MYBL2: variants seen among roughly 807,000 people sequenced by gnomAD.
MYBL2 encodes the protein MYB proto-oncogene like 2.
MYBL2 carries 28 observed loss-of-function variants against 79.9 expected under a neutral mutation model. The ratio of observed to expected loss-of-function variants is 0.35; its 90% confidence interval spans 0.26 to 0.48. The LOEUF is 0.48. Among genes scored for constraint, MYBL2 ranks in the 20% least tolerant of loss-of-function variants. MYBL2 has a pLI of 0.99. For missense variants in MYBL2, 735 were observed against 893.9 expected (o/e 0.82, Z 2.27); for synonymous variants, 378 against 361.2 (o/e 1.05, Z -0.53).
At chr20:43,671,711 A>G (rs1451933969) in intron 1 of MYBL2, among the ~76,000 whole-genome samples, 1 of 150,260 alleles carries the variant, frequency 6.7e-6, no homozygotes, top group Non-Finnish European at 1.5e-5. Context: ...ACCTCAGGTG[A>G]TCTGCCTGCC....
chr20:43,671,187 C>T (rs1986845505), intron 1 of MYBL2, among the ~76,000 whole-genome samples: 1 of 151,366 alleles, frequency 6.6e-6, no homozygotes, highest in Admixed American at 6.6e-5. Context: ...TCTCGTCTGT[C>T]GCCCAGGCTG....
intron 12 of MYBL2, 93 bp from the exon 13 acceptor site, chr20:43,715,041 A>AGGTGGT (rs1329748053): frequency 6.9e-7 from 1 of 1,448,906 alleles, no homozygotes; most frequent in Admixed American, 1.8e-5. Context: ...CTCAGCAGCC[A>AGGTGGT]GGTGGTGGTG....
Position 43,709,088 on chromosome 20 carries a change from C to T in MYBL2, c.1506-875C>T, listed in dbSNP as rs1347646747. Reference sequence around the variant, plus strand: ...GCTGGCCAGCTGCGGGAAGTGGAGGCGGCGAGGCCCCAGGCTGCTGTTTCT... The same window carrying T: ...GCTGGCCAGCTGCGGGAAGTGGAGGTGGCGAGGCCCCAGGCTGCTGTTTCT... On this transcript the variant is annotated intron_variant, in intron 9 of 13. Coordinates refer to ENST00000217026, the MANE Select transcript of MYBL2 (RefSeq NM_002466.4). 4.6e-5 allele frequency among the ~76,000 whole-genome samples: 7 copies of T among 152,296 alleles called. No homozygotes were observed. In the South Asian group the frequency reaches 1.0e-3, roughly 23 times the overall value.
intron 1 of MYBL2, among the ~76,000 whole-genome samples, chr20:43,668,750 C>G (rs963203209): frequency 2.1e-5 from 3 of 145,302 alleles, no homozygotes; most frequent in Non-Finnish European, 4.5e-5. Flanking sequence ...TGCTGTGGTG[C>G]TGTCATAGCT....
chr20:43,684,182 C>T (rs1220223053), intron 4 of MYBL2, among the ~76,000 whole-genome samples: 1 of 151,858 alleles, frequency 6.6e-6, no homozygotes, highest in East Asian at 1.9e-4. Flanking sequence ...CCACGTCAGC[C>T]TCTCAAAGTG....
chr20:43,688,801 T>C (rs1303871739), intron 5 of MYBL2, among the ~76,000 whole-genome samples: 1 of 152,048 alleles, frequency 6.6e-6, no homozygotes. Context: ...ATATTATATT[T>C]TTTTTAAGAC....
At chr20:43,689,496 C>G (rs769411951) in intron 5 of MYBL2, among the ~76,000 whole-genome samples, 1 of 152,194 alleles carries the variant, frequency 6.6e-6, no homozygotes, top group Non-Finnish European at 1.5e-5. Context: ...GAGCTCTTCT[C>G]AGAGCTCCTA....
At chr20:43,697,273 A>T (rs1373794928) in intron 6 of MYBL2, among the ~76,000 whole-genome samples, 3 of 151,892 alleles carry the variant, frequency 2.0e-5, no homozygotes, top group Non-Finnish European at 4.4e-5. Flanking sequence ...TTTGGAGTTG[A>T]TCTTTTTTTT....
In MYBL2 at chr20:43,705,336, C is replaced by T. The variant is rs1568874911; in HGVS notation, c.1483C>T (p.Pro495Ser). Residue 495 changes from proline (P) to serine (S), a missense_variant, in exon 9 of 14, where the codon CCC (proline) becomes TCC (serine). Physicochemically the swap from Pro to Ser is moderately conservative, Grantham distance 74 (BLOSUM62 -1). Around this residue, in one of 5 missense-constraint regions of MYBL2, gnomAD observed 243 missense variants for 327.2 expected, o/e 0.74. Transcript: ENST00000217026. ...VTTPLHRDKT[P>S]LHQKHAAFVT... The stretch of plus-strand genomic sequence containing the variant: ...CACACCACTGCACCGGGACAAGACA[C>T]CCCTGCACCAGAAACATGCTGCGTG... The T allele has an allele frequency of 2.5e-6, 4 of 1,612,768 alleles. No individual in the cohort carries two copies. Among genetic ancestry groups the T allele is most frequent in the African/African-American group, 1.3e-5 (1 of 75,034 alleles).
At chr20:43,684,534 C>CT (rs752809652) in intron 4 of MYBL2, among the ~76,000 whole-genome samples, 7,611 of 136,152 alleles carry the variant, frequency 0.056, 569 homozygotes, top group African/African-American at 0.17. Flanking sequence ...TGTGCCCGGC[C>CT]TTTTTTTTTT....
intron 12 of MYBL2, among the ~76,000 whole-genome samples, chr20:43,714,221 G>C (rs1987976751): frequency 6.6e-6 from 1 of 152,136 alleles, no homozygotes; most frequent in African/African-American, 2.4e-5. Context: ...AGTCAGGAGG[G>C]CACAGTGCCA....
intron 8 of MYBL2, among the ~76,000 whole-genome samples, chr20:43,703,483 C>A (rs1168831963): frequency 1.3e-5 from 2 of 152,190 alleles, no homozygotes; most frequent in Non-Finnish European, 2.9e-5. Flanking sequence ...GTGCCAGGGT[C>A]TCTCTGAGAT....
chr20:43,709,301 C>G (rs1318109371), intron 9 of MYBL2, among the ~76,000 whole-genome samples: 1 of 152,194 alleles, frequency 6.6e-6, no homozygotes, highest in African/African-American at 2.4e-5. Context: ...TTGCCCACAG[C>G]CAGCCTGGCC....
chr20:43,685,147 C>CAAA (rs112163259), intron 4 of MYBL2, among the ~76,000 whole-genome samples: 3 of 129,766 alleles, frequency 2.3e-5, no homozygotes, highest in African/African-American at 8.7e-5. Context: ...AACTCTGTCT[C>CAAA]AAAAAAAAAA....
At chr20:43,681,630 C>T (rs1987144601) in intron 2 of MYBL2, among the ~76,000 whole-genome samples, 154 bp from the exon 3 acceptor site, 1 of 152,230 alleles carries the variant, frequency 6.6e-6, no homozygotes, top group South Asian at 2.1e-4. Flanking sequence ...TTGCTGCCTG[C>T]TGCTGCAGCT....
intron 5 of MYBL2, among the ~76,000 whole-genome samples, chr20:43,688,992 C>T (rs1321635856): frequency 6.6e-6 from 1 of 151,896 alleles, no homozygotes; most frequent in East Asian, 1.9e-4. Context: ...GTTTTGCCAT[C>T]TTGGCCAGGC....
At chr20:43,685,709 C>G (rs571241693) in intron 4 of MYBL2, among the ~76,000 whole-genome samples, 1 of 151,766 alleles carries the variant, frequency 6.6e-6, no homozygotes, top group Admixed American at 6.6e-5. Flanking sequence ...GAGCTGAGAT[C>G]GCCCCACTGC....
intron 4 of MYBL2, among the ~76,000 whole-genome samples, chr20:43,685,968 C>T (rs1451163494): frequency 7.2e-5 from 11 of 151,876 alleles, no homozygotes; most frequent in Non-Finnish European, 5.9e-5. Context: ...ACCCGGAAGG[C>T]GGAGGTTGTG....
chr20:43,710,702 A>C (rs1324843935), intron 10 of MYBL2, among the ~76,000 whole-genome samples: 3 of 152,100 alleles, frequency 2.0e-5, no homozygotes. Flanking sequence ...CACTGCATGG[A>C]GCCTCCTATG....
Sources: gnomAD v4.1 joint callset for allele counts (sites outside exome capture counted in the v4.1 genomes callset) on GRCh38, gnomAD v4.1.1 for gene constraint, gnomAD v4.1.1 regional missense constraint, MANE v1.5 for transcripts, NCBI Gene and HGNC (gene_info 2026-07-23, HGNC 2026-07-21) for gene names.